The following ITPR1 variants were observed in gnomAD, a reference collection of about 807,000 sequenced individuals.
ITPR1 encodes inositol 1,4,5-trisphosphate receptor type 1, also known as inositol 1,4,5-trisphosphate-gated calcium channel ITPR1.
ITPR1 carries 96 observed loss-of-function variants against 318.4 expected under a neutral mutation model. The observed-to-expected ratio is 0.30, with a 90% CI of 0.26 to 0.36. The LOEUF is 0.36. ITPR1 is among the 10% of genes least tolerant of loss of function. ITPR1 has a pLI of 1.00. For synonymous variants in ITPR1, 1,312 were observed against 1,289.9 expected (o/e 1.02, Z -0.37); for missense variants, 2,440 against 3,460.2 (o/e 0.71, Z 7.40).
chr3:4,596,545 G>C (rs572903746), intron 4 of ITPR1, among the ~76,000 whole-genome samples: 1 of 152,300 alleles, frequency 6.6e-6, no homozygotes, highest in South Asian at 2.1e-4. Flanking sequence ...TCACAGATGG[G>C]TTTTTAGTTA....
chr3:4,736,980 T>A (rs2043319649), intron 44 of ITPR1, among the ~76,000 whole-genome samples: 1 of 152,198 alleles, frequency 6.6e-6, no homozygotes. Context: ...GTGGTGAACT[T>A]TTCATAAACC....
At chr3:4,539,826 C>G (rs2084253282) in intron 4 of ITPR1, among the ~76,000 whole-genome samples, 1 of 152,128 alleles carries the variant, frequency 6.6e-6, no homozygotes, top group Non-Finnish European at 1.5e-5. Flanking sequence ...TGCCGAGGGA[C>G]TCTTTAGAGA....
Position 4,710,627 on chromosome 3 carries a change from G to A in ITPR1, c.4991+154G>A, listed in dbSNP as rs964651657. Reference sequence around the variant, plus strand: ...TCCTGTTCTGACCTCCCCAAAGTAAGTTTGTCTATTAAATCCTGCTTACTG... The same window carrying A: ...TCCTGTTCTGACCTCCCCAAAGTAAATTTGTCTATTAAATCCTGCTTACTG... On this transcript the variant is annotated intron_variant, in intron 38 of 61. Transcript: ENST00000649015. The surrounding 1 kb of genome is among the most constrained non-coding windows in gnomAD (Gnocchi z 4.2). Among the ~76,000 whole-genome samples, 1 of 152,200 alleles carries A rather than the reference G, an allele frequency of 6.6e-6. No homozygotes were observed. The highest frequency in any genetic ancestry group is 6.5e-5 in the Admixed American group (1 of 15,286).
chr3:4,789,835 G>A (rs140343262), intron 52 of ITPR1, among the ~76,000 whole-genome samples: 32 of 152,216 alleles, frequency 2.1e-4, no homozygotes, highest in African/African-American at 4.1e-4. Flanking sequence ...GGCCAGGAGG[G>A]TCTCAAACTC....
At chr3:4,732,590 C>A (rs1478807968) in intron 42 of ITPR1, among the ~76,000 whole-genome samples, 2 of 152,034 alleles carry the variant, frequency 1.3e-5, no homozygotes, top group Non-Finnish European at 1.5e-5. Flanking sequence ...GTTTTTTTAA[C>A]CATTTGGCCC....
chr3:4,625,449 A>G (rs1412517979), intron 4 of ITPR1, among the ~76,000 whole-genome samples: 1 of 152,216 alleles, frequency 6.6e-6, no homozygotes, highest in African/African-American at 2.4e-5. Flanking sequence ...GTTTTAATGA[A>G]TAGGTAAGAA....
chr3:4,496,051 G>A (rs1424968892), intron 2 of ITPR1, among the ~76,000 whole-genome samples: 1 of 152,210 alleles, frequency 6.6e-6, no homozygotes, highest in Non-Finnish European at 1.5e-5. Flanking sequence ...CCTGAATGGG[G>A]AGAGTAAAAA....
Position 4,710,489 on chromosome 3 carries a change from C to T in ITPR1, c.4991+16C>T. 6.4e-7 allele frequency: 1 copy of T among 1,550,880 alleles called. No individual in the cohort carries two copies. Among genetic ancestry groups the T allele is most frequent in the Non-Finnish European group, 8.7e-7 (1 of 1,146,292 alleles). On this transcript the variant is annotated intron_variant, in intron 38 of 61. Transcript: ENST00000649015. The surrounding 1 kb of genome is among the most constrained non-coding windows in gnomAD (Gnocchi z 4.2). ...TCATTTGCAAGTAAGCGGCCTCTCTCTCTGGGGTGTTCATTTGCCAGAACC... is the reference window on the plus strand; with the variant it reads ...TCATTTGCAAGTAAGCGGCCTCTCTTTCTGGGGTGTTCATTTGCCAGAACC...
chr3:4,616,728 T>G (rs1004533192), intron 4 of ITPR1, among the ~76,000 whole-genome samples: 1 of 152,162 alleles, frequency 6.6e-6, no homozygotes, highest in Admixed American at 6.5e-5. Flanking sequence ...GAGTGTTGCC[T>G]GGGGTGTGGG....
At chr3:4,796,898 G>A (rs62231623) in intron 53 of ITPR1, among the ~76,000 whole-genome samples, 35,198 of 152,024 alleles carry the variant, frequency 0.23, 5,002 homozygotes, top group African/African-American at 0.38. Flanking sequence ...TGTAGAACCC[G>A]GGGAAGAACA....
intron 48 of ITPR1, among the ~76,000 whole-genome samples, chr3:4,777,901 T>C (rs1233714598): frequency 1.3e-5 from 2 of 152,180 alleles, no homozygotes; most frequent in Non-Finnish European, 2.9e-5. Context: ...TGGTTTAAAA[T>C]AAGGAAAATT....
chr3:4,712,717 A>G (rs2041472173), intron 39 of ITPR1, among the ~76,000 whole-genome samples: 1 of 152,250 alleles, frequency 6.6e-6, no homozygotes, highest in Non-Finnish European at 1.5e-5. Flanking sequence ...GATTGTCACA[A>G]GTATAAATGT....
intron 4 of ITPR1, among the ~76,000 whole-genome samples, chr3:4,553,480 A>G (rs7635333): frequency 0.69 from 105,530 of 152,000 alleles, 38,281 homozygotes; most frequent in Non-Finnish European, 0.8. Flanking sequence ...ACCCAGGCTG[A>G]AGTACAGTGG....
In ITPR1 at chr3:4,846,167, G is replaced by T; in HGVS notation, c.8219G>T (p.Arg2740Ile). The T allele has an allele frequency of 6.4e-7, 1 of 1,567,344 alleles. No homozygotes were observed. The highest frequency in any genetic ancestry group is 2.3e-5 in the East Asian group (1 of 42,750). Residue 2740 changes from arginine (R) to isoleucine (I), a missense_variant, in exon 62 of 62, where the codon AGA becomes ATA. Arg to Ile is a moderately conservative substitution (Grantham distance 97). Around this residue, in one of 23 missense-constraint regions of ITPR1, gnomAD observed 63 missense variants for 63.4 expected, o/e 0.99. Coordinates refer to ENST00000649015, the MANE Select transcript of ITPR1 (RefSeq NM_001378452.1). ...ACAGAACAAAGGAAGCAGAAACAAAGAATTGGTCTTCTAGGACATCCTCCT... is the reference window on the plus strand; with the variant it reads ...ACAGAACAAAGGAAGCAGAAACAAATAATTGGTCTTCTAGGACATCCTCCT... The part of the protein sequence containing the change: ...QMTEQRKQKQ[R>I]IGLLGHPPHM...
In ITPR1 at chr3:4,661,858, A is replaced by T. The variant is rs114072839; in HGVS notation, c.1252-224A>T. 9.5e-3 allele frequency among the ~76,000 whole-genome samples: 1,454 copies of T among 152,292 alleles called. 21 individuals are homozygous for T. The highest frequency in any genetic ancestry group is 0.033 in the African/African-American group (1,365 of 41,552). ...ACAAATGAAGTTAAAAATGATATTA[A>T]TGCCTCCTTCCTGCCACACTGGCCC... On this transcript the variant is annotated intron_variant, in intron 14 of 61. Coordinates refer to ENST00000649015, the MANE Select transcript of ITPR1 (RefSeq NM_001378452.1).
intron 12 of ITPR1, among the ~76,000 whole-genome samples, chr3:4,657,044 G>A (rs1030047406): frequency 1.3e-5 from 2 of 152,076 alleles, no homozygotes; most frequent in Non-Finnish European, 1.5e-5. Context: ...CTCAGCCTTC[G>A]CTATCAGAGA....
intron 4 of ITPR1, among the ~76,000 whole-genome samples, chr3:4,571,059 C>T (rs1198058815): frequency 2.0e-5 from 3 of 152,134 alleles, no homozygotes; most frequent in Non-Finnish European, 4.4e-5. Flanking sequence ...GACAGTGGCT[C>T]TAGAGAGCTA....
At chr3:4,727,868 G>A (rs1056678509) in intron 42 of ITPR1, among the ~76,000 whole-genome samples, 2 of 152,180 alleles carry the variant, frequency 1.3e-5, no homozygotes, top group African/African-American at 2.4e-5. Flanking sequence ...GTGCCACCAT[G>A]CCCAGCCCCA....
At chr3:4,585,512 C>A (rs112312685) in intron 4 of ITPR1, among the ~76,000 whole-genome samples, 28 of 152,196 alleles carry the variant, frequency 1.8e-4, no homozygotes, top group Non-Finnish European at 3.2e-4. Context: ...TCCCAGCTCA[C>A]TGCAAACTCC....
Sources: allele counts gnomAD v4.1 joint callset (sites outside exome capture counted in the v4.1 genomes callset), GRCh38; gene constraint gnomAD v4.1.1; regional missense constraint gnomAD v4.1.1; non-coding constraint Gnocchi (gnomAD v3.1); transcripts MANE v1.5; gene names NCBI Gene and HGNC (gene_info 2026-07-23, HGNC 2026-07-21).